FAM43B: variants seen among roughly 807,000 people sequenced by gnomAD.
The protein encoded by FAM43B is protein FAM43B.
In FAM43B, 17 loss-of-function variants were observed where a neutral mutation model predicts 20.1. The ratio of observed to expected loss-of-function variants is 0.84; its 90% CI spans 0.58 to 1.27. FAM43B has a LOEUF of 1.27. Among genes scored for constraint, FAM43B ranks in the 50% most tolerant of loss-of-function variants. The pLI is 0.00. For missense variants in FAM43B, 512 were observed against 516.7 expected (o/e 0.99, Z 0.09); for synonymous variants, 208 against 238.5 (o/e 0.87, Z 1.18).
Position 20,553,422 on chromosome 1 carries a change from C to T in FAM43B, c.449C>T (p.Thr150Met), listed in dbSNP as rs763116129. ...AYLLPRITYC[T>M]ADGRHPRVFA... is the part of the protein sequence containing the mutation. ...CTGCTGCCGCGCATCACCTACTGCA[C>T]GGCGGACGGGCGCCACCCGCGCGTC... is the stretch of plus-strand genomic sequence containing the variant. The change falls in exon 1 of 1, where the codon ACG becomes ATG. Residue 150 changes from threonine to methionine, a missense_variant. Thr to Met is a moderately conservative substitution (Grantham distance 81, BLOSUM62 -1). Transcript: ENST00000332947. The surrounding 1 kb of genome is among the most constrained non-coding windows in gnomAD (Gnocchi z 6.5). 1.4e-6 allele frequency: 2 copies of T among 1,443,510 alleles called. No individual in the cohort carries two copies. Among genetic ancestry groups the T allele is most frequent in the South Asian group, 1.4e-5 (1 of 69,120 alleles). The allele number at this position is 1,443,510 out of a possible 1,614,324, so 89.4% of individuals were successfully genotyped here. A position where few individuals can be genotyped will look rare whatever the true frequency, so the allele number is the denominator to read the frequency against.
Position 20,554,237 on chromosome 1 carries a change from G to C in FAM43B, c.*274G>C, listed in dbSNP as rs74370591. The C allele has an allele frequency of 0.016, 4,341 of 263,188 alleles. 154 individuals are homozygous for C. The highest frequency in any genetic ancestry group is 0.078 in the African/African-American group (3,453 of 44,228). 16.3% of individuals were successfully genotyped at this position (263,188 alleles called of 1,614,324 possible). ...TTTACACCTAGTCTCTTTGCCCACA[G>C]ACCTCCTCATTCCCTCCCAAAACAT... On this transcript the variant is annotated 3_prime_UTR_variant, in exon 1 of 1. Transcript: ENST00000332947.
In FAM43B at chr1:20,553,058, T is replaced by C; in HGVS notation, c.85T>C (p.Tyr29His). 6.2e-7 allele frequency: 1 copy of C among 1,613,452 alleles called. No homozygotes were observed. The highest frequency in any genetic ancestry group is 1.1e-5 in the South Asian group (1 of 91,058). Residue 29 changes from tyrosine to histidine, a missense_variant, in exon 1 of 1, where the codon TAC (tyrosine) becomes CAC (histidine). Transcript: ENST00000332947. This position sits in a 1 kb window ranked among gnomAD's most constrained non-coding sequence, Gnocchi z 6.5. ...KAKSLSPGLA[Y>H]TSLLSSFLRS... ...GAAGAGCCTGAGTCCGGGGCTCGCC[T>C]ACACGTCGCTGCTCTCCAGCTTCCT...
chr1:20,552,905 C>T lies in FAM43B; in HGVS notation c.-69C>T, dbSNP rs1461008020. ...GGGCGGTGGACTTCTGCGCGCCTTC[C>T]CTCCCCCGGTCTCCCGACAGGACGC... On this transcript the variant is annotated 5_prime_UTR_variant, in exon 1 of 1. Coordinates refer to ENST00000332947, the MANE Select transcript of FAM43B (RefSeq NM_207334.3). 22 of 1,558,662 alleles carry T rather than the reference C, an allele frequency of 1.4e-5. No homozygotes were observed. The highest frequency in any genetic ancestry group is 1.9e-4 in the Middle Eastern group (1 of 5,192).
Position 20,554,094 on chromosome 1 carries a change from C to T in FAM43B, c.*131C>T, listed in dbSNP as rs558559413. On this transcript the variant is annotated 3_prime_UTR_variant, in exon 1 of 1. Transcript: ENST00000332947. Reference sequence around the variant, plus strand: ...CCCCGTGGTCTCCGTGTTGTCCGCCCCGCCGCCTCATTTTGGCTCAGGGTG... The same window carrying T: ...CCCCGTGGTCTCCGTGTTGTCCGCCTCGCCGCCTCATTTTGGCTCAGGGTG... 23 of 1,087,468 alleles carry T rather than the reference C, an allele frequency of 2.1e-5. No individual in the cohort carries two copies. Among genetic ancestry groups the T allele is most frequent in the Non-Finnish European group, 2.4e-5 (21 of 862,134 alleles). 67.4% of individuals were successfully genotyped at this position (1,087,468 alleles called of 1,614,324 possible). A position where few individuals can be genotyped will look rare whatever the true frequency, so the allele number is the denominator to read the frequency against.
chr1:20,553,538 G>C lies in FAM43B; in HGVS notation c.565G>C (p.Ala189Pro). 7.6e-7 allele frequency: 1 copy of C among 1,318,146 alleles called. No homozygotes were observed. The highest frequency in any genetic ancestry group is 2.2e-5 in the South Asian group (1 of 46,034). 81.7% of individuals were successfully genotyped at this position (1,318,146 alleles called of 1,614,324 possible). ...GCTGGCGCGGGCGCACAAGGCGCGCGCCCTGGCCCGCCTGCTCCGCCAGAC... is the reference window on the plus strand; with the variant it reads ...GCTGGCGCGGGCGCACAAGGCGCGCCCCCTGGCCCGCCTGCTCCGCCAGAC... ...VLLARAHKAR[A>P]LARLLRQTAL... The change falls in exon 1 of 1, where the codon GCC becomes CCC. Residue 189 changes from alanine to proline, a missense_variant. By Grantham distance (27) the Ala-to-Pro change is conservative (BLOSUM62 -1). Coordinates refer to ENST00000332947, the MANE Select transcript of FAM43B (RefSeq NM_207334.3). This position sits in a 1 kb window ranked among gnomAD's most constrained non-coding sequence, Gnocchi z 6.5.
rs1427986659 is a variant in FAM43B at position 20,553,318 on chromosome 1, G to T, written c.345G>T (p.Gly115=). 1 of 1,575,030 alleles carries T rather than the reference G, an allele frequency of 6.3e-7. No individual in the cohort carries two copies. Among genetic ancestry groups the T allele is most frequent in the Admixed American group, 1.9e-5 (1 of 52,640 alleles). The stretch of plus-strand genomic sequence containing the variant: ...GCACTAAGATGAAGCTGACGCTGGG[G>T]CCGCACGGCATCCGCATGCAGCCGT... The part of the protein sequence containing the change: ...GGGTKMKLTL[G]PHGIRMQPCE... The change falls in exon 1 of 1, where the codon GGG becomes GGT. Residue 115 remains glycine, a synonymous_variant. Coordinates refer to ENST00000332947, the MANE Select transcript of FAM43B (RefSeq NM_207334.3). This position sits in a 1 kb window ranked among gnomAD's most constrained non-coding sequence, Gnocchi z 6.5.
Position 20,553,299 on chromosome 1 carries a change from A to C in FAM43B, c.326A>C (p.Lys109Thr). The C allele has an allele frequency of 6.3e-7, 1 of 1,599,842 alleles. No homozygotes were observed. Among genetic ancestry groups the C allele is most frequent in the Non-Finnish European group, 8.5e-7 (1 of 1,174,100 alleles). ...WARCGPGGGTKMKLTLGPHGI... is the reference protein window; with the variant it reads ...WARCGPGGGTTMKLTLGPHGI... ...CGCTGCGGGCCTGGCGGGGGCACTA[A>C]GATGAAGCTGACGCTGGGGCCGCAC... The change falls in exon 1 of 1, where the codon AAG (lysine) becomes ACG (threonine). Residue 109 changes from lysine to threonine, a missense_variant. Coordinates refer to ENST00000332947, the MANE Select transcript of FAM43B (RefSeq NM_207334.3). This position sits in a 1 kb window ranked among gnomAD's most constrained non-coding sequence, Gnocchi z 6.5.
In FAM43B at chr1:20,552,677, T is replaced by A. The variant is rs2101143392; in HGVS notation, c.-297T>A. The stretch of plus-strand genomic sequence containing the variant: ...GGGCTTGGTGGACGTCCAGCCCACC[T>A]CACCCCCAGCCCCGGCCCCTCCTCG... On this transcript the variant is annotated 5_prime_UTR_variant, in exon 1 of 1. Coordinates refer to ENST00000332947, the MANE Select transcript of FAM43B (RefSeq NM_207334.3). The A allele has an allele frequency of 2.2e-6, 1 of 455,140 alleles. No individual in the cohort carries two copies. Among genetic ancestry groups the A allele is most frequent in the Non-Finnish European group, 3.9e-6 (1 of 254,344 alleles). 28.2% of individuals were successfully genotyped at this position (455,140 alleles called of 1,614,324 possible). A position where few individuals can be genotyped will look rare whatever the true frequency, so the allele number is the denominator to read the frequency against.
In FAM43B at chr1:20,553,383, C is replaced by T; in HGVS notation, c.410C>T (p.Pro137Leu). Residue 137 changes from proline (P) to leucine (L), a missense_variant, in exon 1 of 1, where the codon CCG becomes CTG. Physicochemically the swap from Pro to Leu is moderately conservative, Grantham distance 98. Coordinates refer to ENST00000332947, the MANE Select transcript of FAM43B (RefSeq NM_207334.3). This position sits in a 1 kb window ranked among gnomAD's most constrained non-coding sequence, Gnocchi z 6.5. Reference protein sequence around the residue: ...SAAGGSGGRRPAHAYLLPRIT... With the variant: ...SAAGGSGGRRLAHAYLLPRIT... ...GCCGGGGGTTCGGGGGGCCGCAGGC[C>T]GGCGCACGCCTACCTGCTGCCGCGC... 2.7e-6 allele frequency: 4 copies of T among 1,471,352 alleles called. No individual in the cohort carries two copies. The highest frequency in any genetic ancestry group is 3.6e-6 in the Non-Finnish European group (4 of 1,121,092). The allele number at this position is 1,471,352 out of a possible 1,614,324, so 91.1% of individuals were successfully genotyped here.
Position 20,553,434 on chromosome 1 carries a change from G to A in FAM43B, c.461G>A (p.Arg154His). Residue 154 changes from arginine to histidine, a missense_variant, in exon 1 of 1, where the codon CGC becomes CAC. Coordinates refer to ENST00000332947, the MANE Select transcript of FAM43B (RefSeq NM_207334.3). The surrounding 1 kb of genome is among the most constrained non-coding windows in gnomAD (Gnocchi z 6.5). ...PRITYCTADGRHPRVFAWVYR... is the reference protein window; with the variant it reads ...PRITYCTADGHHPRVFAWVYR... The stretch of plus-strand genomic sequence containing the variant: ...ATCACCTACTGCACGGCGGACGGGC[G>A]CCACCCGCGCGTCTTCGCCTGGGTC... 2 of 1,430,418 alleles carry A rather than the reference G, an allele frequency of 1.4e-6. No individual in the cohort carries two copies. The highest frequency in any genetic ancestry group is 2.9e-5 in the East Asian group (1 of 34,994). The allele number at this position is 1,430,418 out of a possible 1,614,324, so 88.6% of individuals were successfully genotyped here.
At position 20,553,781 on chromosome 1, in the gene FAM43B, G is replaced by C. The variant is rs978713388; in HGVS notation, c.808G>C (p.Glu270Gln). ...LSSIQEEDEE[E>Q]EEDDAEEQEG... is the part of the protein sequence containing the mutation. ...CAGCATCCAGGAGGAGGACGAGGAG[G>C]AGGAGGAGGACGACGCGGAGGAGCA... is the stretch of plus-strand genomic sequence containing the variant. The change falls in exon 1 of 1, where the codon GAG becomes CAG. Residue 270 changes from glutamate (E) to glutamine (Q), a missense_variant. Transcript: ENST00000332947. This position sits in a 1 kb window ranked among gnomAD's most constrained non-coding sequence, Gnocchi z 6.5. 1.2e-5 allele frequency: 18 copies of C among 1,476,186 alleles called. No homozygotes were observed. The African/African-American group carries it at 1.3e-4, about 11-fold the overall frequency. 91.4% of individuals were successfully genotyped at this position (1,476,186 alleles called of 1,614,324 possible).
Position 20,553,354 on chromosome 1 carries a change from C to A in FAM43B, c.381C>A (p.Ser127Arg). 1 of 1,494,320 alleles carries A rather than the reference C, an allele frequency of 6.7e-7. No individual in the cohort carries two copies. The highest frequency in any genetic ancestry group is 8.9e-7 in the Non-Finnish European group (1 of 1,129,148). 92.6% of individuals were successfully genotyped at this position (1,494,320 alleles called of 1,614,324 possible). ...HGIRMQPCER[S>R]AAGGSGGRRP... is the part of the protein sequence containing the mutation. The stretch of plus-strand genomic sequence containing the variant: ...TCCGCATGCAGCCGTGCGAGCGCAG[C>A]GCCGCCGGGGGTTCGGGGGGCCGCA... Residue 127 changes from serine (S) to arginine (R), a missense_variant, in exon 1 of 1, where the codon AGC becomes AGA. Transcript: ENST00000332947. The surrounding 1 kb of genome is among the most constrained non-coding windows in gnomAD (Gnocchi z 6.5).
chr1:20,553,788 A>G lies in FAM43B; in HGVS notation c.815A>G (p.Glu272Gly). 1 of 1,474,536 alleles carries G rather than the reference A, an allele frequency of 6.8e-7. No homozygotes were observed. The highest frequency in any genetic ancestry group is 9.0e-7 in the Non-Finnish European group (1 of 1,107,438). 91.3% of individuals were successfully genotyped at this position (1,474,536 alleles called of 1,614,324 possible). A position where few individuals can be genotyped will look rare whatever the true frequency, so the allele number is the denominator to read the frequency against. ...SIQEEDEEEE[E>G]DDAEEQEGGV... The stretch of plus-strand genomic sequence containing the variant: ...CAGGAGGAGGACGAGGAGGAGGAGG[A>G]GGACGACGCGGAGGAGCAAGAGGGA... Residue 272 changes from glutamate (E) to glycine (G), a missense_variant, in exon 1 of 1, where the codon GAG (glutamate) becomes GGG (glycine). Coordinates refer to ENST00000332947, the MANE Select transcript of FAM43B (RefSeq NM_207334.3). This position sits in a 1 kb window ranked among gnomAD's most constrained non-coding sequence, Gnocchi z 6.5.
At position 20,554,111 on chromosome 1, in the gene FAM43B, C is replaced by T; in HGVS notation, c.*148C>T. On this transcript the variant is annotated 3_prime_UTR_variant, in exon 1 of 1. Transcript: ENST00000332947. ...TGTCCGCCCCGCCGCCTCATTTTGGCTCAGGGTGATGCCTGATACGCCCTT... is the reference window on the plus strand; with the variant it reads ...TGTCCGCCCCGCCGCCTCATTTTGGTTCAGGGTGATGCCTGATACGCCCTT... 3 of 982,024 alleles carry T rather than the reference C, an allele frequency of 3.1e-6. No homozygotes were observed. Among genetic ancestry groups the T allele is most frequent in the Non-Finnish European group, 3.9e-6 (3 of 765,968 alleles). The allele number at this position is 982,024 out of a possible 1,614,324, so 60.8% of individuals were successfully genotyped here.
Position 20,552,778 on chromosome 1 carries a change from G to A in FAM43B, c.-196G>A, listed in dbSNP as rs2052145330. 2 of 672,270 alleles carry A rather than the reference G, an allele frequency of 3.0e-6. No individual in the cohort carries two copies. Among genetic ancestry groups the A allele is most frequent in the Non-Finnish European group, 4.9e-6 (2 of 406,258 alleles). 41.6% of individuals were successfully genotyped at this position (672,270 alleles called of 1,614,324 possible). On this transcript the variant is annotated 5_prime_UTR_variant, in exon 1 of 1. Coordinates refer to ENST00000332947, the MANE Select transcript of FAM43B (RefSeq NM_207334.3). ...GGCCGCCGTCCGCACCTCGGCTGCT[G>A]GCCCGGCTGGGCACCGGGCATCTGC...
At position 20,553,496 on chromosome 1, in the gene FAM43B, C is replaced by CGCTGCCACGCTGT. The variant is rs1364082052; in HGVS notation, c.529_541dup (p.Leu181ProfsTer209). The CGCTGCCACGCTGT allele has an allele frequency of 7.2e-7, 1 of 1,383,850 alleles. No homozygotes were observed. The highest frequency in any genetic ancestry group is 1.5e-5 in the African/African-American group (1 of 65,392). The allele number at this position is 1,383,850 out of a possible 1,614,324, so 85.7% of individuals were successfully genotyped here. On this transcript the variant is annotated frameshift_variant, in exon 1 of 1. Transcript: ENST00000332947. LOFTEE classifies it high-confidence loss of function. The surrounding 1 kb of genome is among the most constrained non-coding windows in gnomAD (Gnocchi z 6.5). ...GGCGCGCCACAAGGCCGTGGTGCTGCGCTGCCACGCTGTGCTGCTGGCGCG... is the reference window on the plus strand; with the variant it reads ...GGCGCGCCACAAGGCCGTGGTGCTGCGCTGCCACGCTGTGCTGCCACGCTGTGCTGCTGGCGCG...
chr1:20,553,095 C>G lies in FAM43B; in HGVS notation c.122C>G (p.Pro41Arg), dbSNP rs1194156867. 6.2e-7 allele frequency: 1 copy of G among 1,613,426 alleles called. No individual in the cohort carries two copies. Among genetic ancestry groups the G allele is most frequent in the Non-Finnish European group, 8.5e-7 (1 of 1,179,882 alleles). Residue 41 changes from proline to arginine, a missense_variant, in exon 1 of 1, where the codon CCG becomes CGG. Coordinates refer to ENST00000332947, the MANE Select transcript of FAM43B (RefSeq NM_207334.3). This position sits in a 1 kb window ranked among gnomAD's most constrained non-coding sequence, Gnocchi z 6.5. ...SLLSSFLRSC[P>R]DLLPDWPLER... ...CTCTCCAGCTTCCTGCGCTCCTGCCCGGACCTGCTGCCCGACTGGCCGCTG... is the reference window on the plus strand; with the variant it reads ...CTCTCCAGCTTCCTGCGCTCCTGCCGGGACCTGCTGCCCGACTGGCCGCTG...
rs1570357346 is a variant in FAM43B at position 20,553,394 on chromosome 1, T to C, written c.421T>C (p.Tyr141His). ...GGGGGGCCGCAGGCCGGCGCACGCC[T>C]ACCTGCTGCCGCGCATCACCTACTG... is the stretch of plus-strand genomic sequence containing the variant. ...GSGGRRPAHA[Y>H]LLPRITYCTA... is the part of the protein sequence containing the mutation. The change falls in exon 1 of 1, where the codon TAC (tyrosine) becomes CAC (histidine). Residue 141 changes from tyrosine to histidine, a missense_variant. Coordinates refer to ENST00000332947, the MANE Select transcript of FAM43B (RefSeq NM_207334.3). The surrounding 1 kb of genome is among the most constrained non-coding windows in gnomAD (Gnocchi z 6.5). 1.4e-6 allele frequency: 2 copies of C among 1,471,028 alleles called. No individual in the cohort carries two copies. The highest frequency in any genetic ancestry group is 1.8e-6 in the Non-Finnish European group (2 of 1,121,578). The allele number at this position is 1,471,028 out of a possible 1,614,324, so 91.1% of individuals were successfully genotyped here. A position where few individuals can be genotyped will look rare whatever the true frequency, so the allele number is the denominator to read the frequency against.
chr1:20,553,361 G>C lies in FAM43B; in HGVS notation c.388G>C (p.Gly130Arg). ...RMQPCERSAAGGSGGRRPAHA... is the reference protein window; with the variant it reads ...RMQPCERSAARGSGGRRPAHA... The stretch of plus-strand genomic sequence containing the variant: ...GCAGCCGTGCGAGCGCAGCGCCGCC[G>C]GGGGTTCGGGGGGCCGCAGGCCGGC... The change falls in exon 1 of 1, where the codon GGG becomes CGG. Residue 130 changes from glycine to arginine, a missense_variant. Gly to Arg is a moderately radical substitution (Grantham distance 125). Transcript: ENST00000332947. The surrounding 1 kb of genome is among the most constrained non-coding windows in gnomAD (Gnocchi z 6.5). 1 of 1,482,148 alleles carries C rather than the reference G, an allele frequency of 6.7e-7. No individual in the cohort carries two copies. Among genetic ancestry groups the C allele is most frequent in the Non-Finnish European group, 8.9e-7 (1 of 1,124,490 alleles). 91.8% of individuals were successfully genotyped at this position (1,482,148 alleles called of 1,614,324 possible). A position where few individuals can be genotyped will look rare whatever the true frequency, so the allele number is the denominator to read the frequency against.
Sources: gnomAD v4.1 joint callset for allele counts on GRCh38, gnomAD v4.1.1 for gene constraint, Gnocchi (gnomAD v3.1) non-coding constraint, MANE v1.5 for transcripts, NCBI Gene and HGNC (gene_info 2026-07-23, HGNC 2026-07-21) for gene names.